PTPRD: variants seen among roughly 807,000 people sequenced by gnomAD.
PTPRD encodes protein tyrosine phosphatase receptor type D, also known as receptor-type tyrosine-protein phosphatase delta.
In PTPRD, 34 loss-of-function variants were observed where a neutral mutation model predicts 214.5. The ratio of observed to expected loss-of-function variants is 0.16; its 90% CI spans 0.12 to 0.21. The LOEUF (loss-of-function observed/expected upper bound fraction) is 0.21. PTPRD is among the 10% of genes least tolerant of loss of function. The probability of loss-of-function intolerance (pLI) is 1.00; values close to 1 mark genes in which losing one functional copy is unlikely to be tolerated. For missense variants in PTPRD, 2,545 were observed against 2,398.7 expected, an observed-to-expected ratio of 1.06 and a Z score of -1.27; for synonymous variants, 1,128 against 845.7, an observed-to-expected ratio of 1.33 and a Z score of -5.79.
rs575526501 is a variant in PTPRD, at chr9:10,035,328, T to A, written c.-544-1538A>T. On this transcript the variant is annotated intron_variant, in intron 3 of 45. Coordinates refer to ENST00000381196, the MANE Select transcript of PTPRD (RefSeq NM_002839.4). The stretch of plus-strand genomic sequence containing the variant: ...ATTTGTTTATGTTCCTTATACATAC[T>A]GGATATTAGACCTTTGTCATAGGAA... Among the ~76,000 whole-genome samples the A allele has an allele frequency of 1.3e-4, 20 of 152,300 alleles. No individual in the cohort carries two copies. The East Asian group carries it at 3.9e-3, about 29-fold the overall frequency.
At chr9:9,454,302 C>T (rs2092679770) in intron 8 of PTPRD, among the ~76,000 whole-genome samples, 2 of 151,802 alleles carry the variant, frequency 1.3e-5, no homozygotes, top group South Asian at 4.1e-4. Flanking sequence ...TCTTTTGAAG[C>T]CACCAATGTG....
intron 11 of PTPRD, among the ~76,000 whole-genome samples, chr9:8,831,701 CCA>C (rs1036651545): frequency 2.0e-4 from 30 of 152,244 alleles, no homozygotes; most frequent in African/African-American, 7.0e-4. Flanking sequence ...TCTCTTTCAG[CCA>C]CAGTTAGAAT....
At chr9:8,443,821 A>C (rs1251691052) in intron 34 of PTPRD, among the ~76,000 whole-genome samples, 1 of 152,186 alleles carries the variant, frequency 6.6e-6, no homozygotes. Flanking sequence ...TACTGAAAAG[A>C]AAGTGAATTT....
chr9:9,399,352 C>G (rs1390082442), intron 8 of PTPRD, among the ~76,000 whole-genome samples: 1 of 151,938 alleles, frequency 6.6e-6, no homozygotes, highest in South Asian at 2.1e-4. Context: ...GCTTTTCATT[C>G]CAATCCCCTC....
Position 8,315,840 on chromosome 9 carries a change from A to C in PTPRD, c.*2034T>G. 2 of 224,290 alleles carry C rather than the reference A, an allele frequency of 8.9e-6. No individual in the cohort carries two copies. The highest frequency in any genetic ancestry group is 1.8e-5 in the Non-Finnish European group (2 of 112,296). The allele number at this position is 224,290 out of a possible 1,614,324, so 13.9% of individuals were successfully genotyped here. On this transcript the variant is annotated 3_prime_UTR_variant, in exon 46 of 46. Transcript: ENST00000381196. Reference sequence around the variant, plus strand: ...AAAACTCTTTAAGAGTTCCTTGGGTATTTTGAGGATTATTTAAAATCATGT... The same window carrying C: ...AAAACTCTTTAAGAGTTCCTTGGGTCTTTTGAGGATTATTTAAAATCATGT...
chr9:9,395,407 T>C (rs1327809452), intron 9 of PTPRD, among the ~76,000 whole-genome samples: 1 of 152,134 alleles, frequency 6.6e-6, no homozygotes, highest in Non-Finnish European at 1.5e-5. Context: ...TCTGAGTTAA[T>C]TGGTTTGGGT....
intron 11 of PTPRD, among the ~76,000 whole-genome samples, chr9:8,997,971 T>C (rs1443239398): frequency 6.6e-6 from 1 of 152,082 alleles, no homozygotes; most frequent in Admixed American, 6.6e-5. Context: ...CTCTCTTTAA[T>C]TCTATGAAGT....
At chr9:9,083,391 C>T in intron 10 of PTPRD, among the ~76,000 whole-genome samples, 1 of 152,188 alleles carries the variant, frequency 6.6e-6, no homozygotes, top group East Asian at 1.9e-4. Context: ...ATACCTAATA[C>T]AAAAATTAAC....
chr9:10,575,691 T>C (rs1033326115), intron 2 of PTPRD, among the ~76,000 whole-genome samples: 6 of 152,126 alleles, frequency 3.9e-5, no homozygotes, highest in Admixed American at 2.0e-4. Flanking sequence ...GTGAACTCTC[T>C]AGGTCATATC....
chr9:8,486,634 CT>C (rs1477328350), intron 27 of PTPRD, among the ~76,000 whole-genome samples: 1 of 152,126 alleles, frequency 6.6e-6, no homozygotes, highest in Non-Finnish European at 1.5e-5. Flanking sequence ...CGTTTTAAAC[CT>C]TCACACATAA....
At chr9:10,608,464 C>G (rs1259617108) in intron 2 of PTPRD, among the ~76,000 whole-genome samples, 1 of 151,968 alleles carries the variant, frequency 6.6e-6, no homozygotes, top group African/African-American at 2.4e-5. Context: ...CACTGCTGAC[C>G]TGACTTCAGG....
chr9:9,516,732 T>A (rs529169101), intron 8 of PTPRD, among the ~76,000 whole-genome samples: 4 of 152,054 alleles, frequency 2.6e-5, no homozygotes, highest in African/African-American at 9.6e-5. Flanking sequence ...AAGACGGGGC[T>A]TCGCTATGTT....
chr9:10,518,811 C>T lies in PTPRD; in HGVS notation c.-600+93587G>A, dbSNP rs559531352. Among the ~76,000 whole-genome samples the T allele has an allele frequency of 4.6e-5, 7 of 151,758 alleles. No homozygotes were observed. The South Asian group carries it at 6.2e-4, about 14-fold the overall frequency. On this transcript the variant is annotated intron_variant, in intron 2 of 45. Transcript: ENST00000381196. ...CCTCCCAAAGTGCTGGGATTACAGG[C>T]GTGAGCCACCGCGCTCAGCCTTACA...
intron 9 of PTPRD, among the ~76,000 whole-genome samples, chr9:9,213,179 T>C (rs1476517660): frequency 6.6e-6 from 1 of 152,192 alleles, no homozygotes; most frequent in Non-Finnish European, 1.5e-5. Flanking sequence ...TTTCAGATTC[T>C]GTTTCAAGAT....
Position 10,238,757 on chromosome 9 carries a change from G to C in PTPRD, c.-545+102206C>G, listed in dbSNP as rs552571826. Among the ~76,000 whole-genome samples the C allele has an allele frequency of 7.8e-4, 118 of 151,964 alleles. 1 individual carries two copies. The highest frequency in any genetic ancestry group is 4.3e-3 in the Admixed American group (66 of 15,212). ...AAATAATATTCTCCAAGCTAATTTT[G>C]TTAATTATGAGTTTTGAAGAAACAA... On this transcript the variant is annotated intron_variant, in intron 3 of 45. Coordinates refer to ENST00000381196, the MANE Select transcript of PTPRD (RefSeq NM_002839.4).
intron 3 of PTPRD, among the ~76,000 whole-genome samples, chr9:10,254,052 G>T (rs538750741): frequency 4.9e-4 from 74 of 152,236 alleles, no homozygotes; most frequent in African/African-American, 1.7e-3. Flanking sequence ...AAGAAAGCAC[G>T]TTTTCTGAGC....
At chr9:10,382,536 T>A (rs957797855) in intron 2 of PTPRD, among the ~76,000 whole-genome samples, 1 of 152,010 alleles carries the variant, frequency 6.6e-6, no homozygotes, top group South Asian at 2.1e-4. Flanking sequence ...TGTTGTAGAA[T>A]AGGATAAAAT....
At position 8,592,813 on chromosome 9, in the gene PTPRD, A is replaced by G. The variant is rs540522517; in HGVS notation, c.352+40504T>C. Among the ~76,000 whole-genome samples the G allele has an allele frequency of 1.2e-3, 178 of 152,248 alleles. 2 individuals are homozygous for G. Among genetic ancestry groups the G allele is most frequent in the Middle Eastern group, 3.2e-3 (1 of 316 alleles). On this transcript the variant is annotated intron_variant, in intron 14 of 45. Coordinates refer to ENST00000381196, the MANE Select transcript of PTPRD (RefSeq NM_002839.4). ...TGCTGCGTGTTAATGCAGCTATTACATAATATAGACTCAACGAGAAGATAA... is the reference window on the plus strand; with the variant it reads ...TGCTGCGTGTTAATGCAGCTATTACGTAATATAGACTCAACGAGAAGATAA...
chr9:10,581,410 T>G (rs559064313), intron 2 of PTPRD, among the ~76,000 whole-genome samples: 1 of 152,226 alleles, frequency 6.6e-6, no homozygotes, highest in African/African-American at 2.4e-5. Context: ...TGTTTATTCA[T>G]AGCTATAACC....
Sources: gnomAD v4.1 joint callset for allele counts (sites outside exome capture counted in the v4.1 genomes callset) on GRCh38, gnomAD v4.1.1 for gene constraint, MANE v1.5 for transcripts, NCBI Gene and HGNC (gene_info 2026-07-23, HGNC 2026-07-21) for gene names.